The following LAMC3 variants were observed in gnomAD, a reference collection of about 807,000 sequenced individuals.
LAMC3 encodes the protein laminin subunit gamma 3, also known as laminin subunit gamma-3.
In LAMC3, 128 loss-of-function variants were observed where a neutral mutation model predicts 173.8. That is an observed-to-expected ratio of 0.74 (90% CI 0.64 to 0.85). The LOEUF is 0.85. LAMC3 is among the 40% of genes least tolerant of loss of function. The pLI is 0.00. For missense variants in LAMC3, 2,022 were observed against 2,156.0 expected, an observed-to-expected ratio of 0.94 and a Z score of 1.23; for synonymous variants, 897 against 909.1, an observed-to-expected ratio of 0.99 and a Z score of 0.24.
rs116259120 is a variant in LAMC3, at chr9:131,009,306, G to T, written c.92G>T (p.Arg31Leu). The T allele has an allele frequency of 3.7e-3, 5,389 of 1,443,812 alleles. 163 individuals are homozygous for T. In the African/African-American group the frequency reaches 0.067, roughly 18 times the overall value. 89.4% of individuals were successfully genotyped at this position (1,443,812 alleles called of 1,614,324 possible). A position where few individuals can be genotyped will look rare whatever the true frequency, so the allele number is the denominator to read the frequency against. The change falls in exon 1 of 28, where the codon CGC becomes CTC. Residue 31 changes from arginine to leucine, a missense_variant. Physicochemically the swap from Arg to Leu is moderately radical, Grantham distance 102. Transcript: ENST00000361069. The surrounding 1 kb of genome is among the most constrained non-coding windows in gnomAD (Gnocchi z 4.3). The part of the protein sequence containing the change: ...GMGACYDGAG[R>L]PQRCLPVFEN... ...GGCGCGTGCTATGACGGCGCAGGGC[G>T]CCCGCAGCGCTGCCTGCCGGTGTTC...
chr9:131,075,795 G>A (rs750484524), intron 20 of LAMC3, 36 bp from the exon 21 acceptor site: 5 of 1,594,738 alleles, frequency 3.1e-6, no homozygotes, highest in Admixed American at 3.4e-5. Flanking sequence ...TTCCCTGCGA[G>A]CCCTTGGTAA....
chr9:131,083,892 T>TG (rs1564391326), intron 24 of LAMC3, among the ~76,000 whole-genome samples: 2 of 104,294 alleles, frequency 1.9e-5, no homozygotes, highest in African/African-American at 8.4e-5. Context: ...TTTTTTTTTT[T>TG]GAGATAGAGT....
intron 9 of LAMC3, among the ~76,000 whole-genome samples, chr9:131,049,691 GCTT>G (rs752697353): frequency 5.9e-5 from 9 of 152,156 alleles, no homozygotes; most frequent in Non-Finnish European, 1.3e-4. Flanking sequence ...GTCATGGAGG[GCTT>G]CTTCAGTGCC....
intron 12 of LAMC3, among the ~76,000 whole-genome samples, chr9:131,057,727 C>T (rs2133292220): frequency 6.6e-6 from 1 of 152,330 alleles, no homozygotes; most frequent in East Asian, 1.9e-4. Context: ...TGTTTCTACA[C>T]AAAGCCATAT....
intron 1 of LAMC3, among the ~76,000 whole-genome samples, chr9:131,022,446 G>C (rs1299011504): frequency 1.3e-5 from 2 of 151,962 alleles, no homozygotes; most frequent in African/African-American, 2.4e-5. Flanking sequence ...AGCTTTAGGA[G>C]ATACAATTCA....
At chr9:131,080,308 G>GA (rs1830215739) in intron 23 of LAMC3, 1 of 54,762 alleles carries the variant, frequency 1.8e-5, no homozygotes, top group African/African-American at 6.8e-5. Context: ...TTTTTTTTTT[G>GA]AGACAGACTC....
chr9:131,055,717 G>A (rs1443852272), intron 11 of LAMC3, among the ~76,000 whole-genome samples: 24 of 151,496 alleles, frequency 1.6e-4, no homozygotes, highest in African/African-American at 4.6e-4. Context: ...GAGCCACCGC[G>A]CCCGGCCCAT....
chr9:131,026,490 G>A lies in LAMC3; in HGVS notation c.579G>A (p.Glu193=). 1 of 1,613,430 alleles carries A rather than the reference G, an allele frequency of 6.2e-7. No homozygotes were observed. The highest frequency in any genetic ancestry group is 8.5e-7 in the Non-Finnish European group (1 of 1,179,924). ...AGCGCGTGGCCTTCTGCACCTCTGA[G>A]TTCAGCGACATCTCCCCGCTGAGTG... ...EDERVAFCTS[E]FSDISPLSGG... is the part of the protein sequence containing the mutation. Residue 193 remains glutamate (E), a synonymous_variant, in exon 2 of 28, where the codon GAG becomes GAA. Transcript: ENST00000361069. The surrounding 1 kb of genome is among the most constrained non-coding windows in gnomAD (Gnocchi z 4.8).
At chr9:131,065,059 AG>A (rs1288719441) in intron 13 of LAMC3, among the ~76,000 whole-genome samples, 1 of 135,300 alleles carries the variant, frequency 7.4e-6, no homozygotes, top group African/African-American at 2.7e-5. Context: ...AAAAAAAAAA[AG>A]AAAAGGAAAG....
chr9:131,062,523 C>T (rs1346212810), intron 13 of LAMC3, among the ~76,000 whole-genome samples: 1 of 152,166 alleles, frequency 6.6e-6, no homozygotes, highest in Admixed American at 6.5e-5. Flanking sequence ...AGCTGTCACT[C>T]ATCCATCTCT....
intron 13 of LAMC3, 134 bp from the exon 14 acceptor site, chr9:131,066,826 G>A (rs369063139): frequency 2.2e-5 from 26 of 1,205,542 alleles, no homozygotes; most frequent in Middle Eastern, 2.5e-4. Flanking sequence ...ACTGGGGGCC[G>A]GTCCCAGGTC....
At chr9:131,035,494 C>T (rs1336045522) in intron 3 of LAMC3, among the ~76,000 whole-genome samples, 2 of 152,184 alleles carry the variant, frequency 1.3e-5, no homozygotes, top group East Asian at 1.9e-4. Context: ...ACTCACTCTA[C>T]AGTACCACGG....
chr9:131,088,365 G>T (rs1025003898), intron 27 of LAMC3, among the ~76,000 whole-genome samples: 3 of 152,082 alleles, frequency 2.0e-5, no homozygotes, highest in African/African-American at 7.2e-5. Context: ...CGCTTACCAC[G>T]GTGCGTGGTG....
chr9:131,068,228 G>A lies in LAMC3; in HGVS notation c.2744G>A (p.Arg915Gln), dbSNP rs749496192. The A allele has an allele frequency of 8.5e-5, 137 of 1,609,130 alleles. No homozygotes were observed. Among genetic ancestry groups the A allele is most frequent in the Middle Eastern group, 1.7e-4 (1 of 6,044 alleles). Residue 915 changes from arginine (R) to glutamine (Q), a missense_variant, in exon 15 of 28, where the codon CGG becomes CAG. Physicochemically the swap from Arg to Gln is conservative, Grantham distance 43. Transcript: ENST00000361069. ...GACCTCCAGCCTGGGAGGGGCTGCC[G>A]GAGGTAGGTAGGGTGAGACTGCCGG... is the stretch of plus-strand genomic sequence containing the variant. ...FFDLQPGRGC[R>Q]SCKCHPLGSQ...
At chr9:131,053,343 C>A (rs1005332269) in intron 11 of LAMC3, among the ~76,000 whole-genome samples, 1 of 152,164 alleles carries the variant, frequency 6.6e-6, no homozygotes, top group African/African-American at 2.4e-5. Flanking sequence ...AGTCCCCTGG[C>A]AGAGTGACTC....
chr9:131,010,410 C>T (rs1351305263), intron 1 of LAMC3, among the ~76,000 whole-genome samples: 5 of 152,164 alleles, frequency 3.3e-5, no homozygotes, highest in African/African-American at 9.7e-5. Flanking sequence ...GAGGGGTGCC[C>T]CGTGGGGCGG....
intron 24 of LAMC3, 56 bp downstream of exon 24, chr9:131,082,217 ACT>A: frequency 7.7e-7 from 1 of 1,302,254 alleles, no homozygotes; most frequent in Non-Finnish European, 1.1e-6. Context: ...CCTGACAGCC[ACT>A]CACCTCTCGC....
Position 131,072,848 on chromosome 9 carries a change from A to AC in LAMC3, c.3417+19dup, listed in dbSNP as rs759593614. 178 of 1,602,128 alleles carry AC rather than the reference A, an allele frequency of 1.1e-4. No homozygotes were observed. The highest frequency in any genetic ancestry group is 6.6e-4 in the Middle Eastern group (4 of 6,074). On this transcript the variant is annotated intron_variant, in intron 19 of 27. Transcript: ENST00000361069. ...TCTCGCGTCTCTGGTATCCCAGGGGACCCCCCTACCCGAACACACCAAACC... is the reference window on the plus strand; with the variant it reads ...TCTCGCGTCTCTGGTATCCCAGGGGACCCCCCCTACCCGAACACACCAAACC...
chr9:131,031,576 A>G (rs1469357476), intron 2 of LAMC3, among the ~76,000 whole-genome samples: 1 of 152,122 alleles, frequency 6.6e-6, no homozygotes, highest in East Asian at 1.9e-4. Context: ...TTGCGGGGGC[A>G]CACCGTCCCC....
Sources: allele counts gnomAD v4.1 joint callset (sites outside exome capture counted in the v4.1 genomes callset), GRCh38; gene constraint gnomAD v4.1.1; non-coding constraint Gnocchi (gnomAD v3.1); transcripts MANE v1.5; gene names NCBI Gene and HGNC (gene_info 2026-07-23, HGNC 2026-07-21).